PTPRN2: variants seen among roughly 807,000 people sequenced by gnomAD.
The protein encoded by PTPRN2 is protein tyrosine phosphatase receptor type N2, also known as receptor-type tyrosine-protein phosphatase N2.
Under a neutral mutation model 118.8 loss-of-function variants are expected in PTPRN2, and 74 were observed. The observed-to-expected ratio is 0.62, with a 90% CI of 0.52 to 0.76. PTPRN2 has a LOEUF of 0.76. PTPRN2 is among the 30% of genes least tolerant of loss of function. The pLI is 0.00. For missense variants in PTPRN2, 1,481 were observed against 1,394.4 expected, an observed-to-expected ratio of 1.06 and a Z score of -0.99; for synonymous variants, 641 against 608.0, an observed-to-expected ratio of 1.05 and a Z score of -0.80.
chr7:158,071,681 C>CGTG (rs1563392807), intron 11 of PTPRN2, among the ~76,000 whole-genome samples: 3 of 82,276 alleles, frequency 3.6e-5, no homozygotes, highest in Non-Finnish European at 5.0e-5. Context: ...TGGAGGTGCT[C>CGTG]CTGGTGGAGG....
intron 3 of PTPRN2, among the ~76,000 whole-genome samples, chr7:158,220,201 C>A (rs1012245969): frequency 4.6e-5 from 7 of 151,986 alleles, no homozygotes; most frequent in Non-Finnish European, 8.8e-5. Context: ...ATTACAAACC[C>A]AAAGGCAACA....
intron 12 of PTPRN2, among the ~76,000 whole-genome samples, chr7:157,846,743 C>T (rs1000887223): frequency 1.5e-4 from 23 of 150,574 alleles, no homozygotes; most frequent in African/African-American, 4.9e-4. Context: ...CTCTCTCACT[C>T]CATCATGCGT....
chr7:158,577,341 A>G, intron 1 of PTPRN2, among the ~76,000 whole-genome samples: 1 of 124,552 alleles, frequency 8.0e-6, no homozygotes, highest in Admixed American at 8.1e-5. Flanking sequence ...AGGGCTGCCC[A>G]CCCTGCCTGA....
chr7:158,071,706 G>A (rs868093959), intron 11 of PTPRN2, among the ~76,000 whole-genome samples: 40 of 134,006 alleles, frequency 3.0e-4, no homozygotes, highest in African/African-American at 8.9e-4. Context: ...TGTGGTGGAG[G>A]TGCTCCTGGT....
At chr7:157,872,699 T>C (rs1028804218) in intron 12 of PTPRN2, among the ~76,000 whole-genome samples, 1 of 152,254 alleles carries the variant, frequency 6.6e-6, no homozygotes, top group African/African-American at 2.4e-5. Context: ...GCAGGCTCCA[T>C]CTTGCAGGAG....
At chr7:158,521,193 C>T (rs1414616045) in intron 1 of PTPRN2, among the ~76,000 whole-genome samples, 1 of 151,966 alleles carries the variant, frequency 6.6e-6, no homozygotes, top group African/African-American at 2.4e-5. Flanking sequence ...ATTTTTTTCC[C>T]CAGTACTTTC....
chr7:157,843,919 C>T (rs1287666216), intron 12 of PTPRN2, among the ~76,000 whole-genome samples: 1 of 152,220 alleles, frequency 6.6e-6, no homozygotes, highest in African/African-American at 2.4e-5. Context: ...CATTGGGGTC[C>T]TTTCGATGTG....
At chr7:157,642,386 A>G (rs1213565232) in intron 14 of PTPRN2, among the ~76,000 whole-genome samples, 1 of 152,234 alleles carries the variant, frequency 6.6e-6, no homozygotes, top group African/African-American at 2.4e-5. Context: ...ACACATTTAC[A>G]CAAAGAATCA....
chr7:158,298,764 C>T (rs1800669862), intron 3 of PTPRN2, among the ~76,000 whole-genome samples: 1 of 152,190 alleles, frequency 6.6e-6, no homozygotes, highest in African/African-American at 2.4e-5. Flanking sequence ...CCAAGCACCT[C>T]CTGGGGTTGC....
intron 2 of PTPRN2, among the ~76,000 whole-genome samples, chr7:158,471,197 C>G (rs1028280689): frequency 3.9e-5 from 6 of 152,126 alleles, no homozygotes; most frequent in African/African-American, 1.2e-4. Flanking sequence ...AAGGCCAGCA[C>G]GAGAGGCCAG....
At chr7:158,124,131 T>A (rs919245984) in intron 9 of PTPRN2, among the ~76,000 whole-genome samples, 3 of 152,184 alleles carry the variant, frequency 2.0e-5, no homozygotes, top group African/African-American at 7.2e-5. Context: ...GAAAGTTGGG[T>A]GTACACAGCA....
chr7:158,422,376 A>G (rs950892530), intron 2 of PTPRN2, among the ~76,000 whole-genome samples: 4 of 152,230 alleles, frequency 2.6e-5, no homozygotes, highest in African/African-American at 9.6e-5. Context: ...CATCAATGGC[A>G]GCTTCCAACA....
chr7:157,773,755 C>T (rs1024555630), intron 12 of PTPRN2, among the ~76,000 whole-genome samples: 1 of 152,204 alleles, frequency 6.6e-6, no homozygotes, highest in South Asian at 2.1e-4. Flanking sequence ...ACCTCAGCCC[C>T]CAGGTCCTGG....
chr7:157,729,695 C>A lies in PTPRN2; in HGVS notation c.1789-46758G>T, dbSNP rs897970447. Among the ~76,000 whole-genome samples the A allele has an allele frequency of 6.6e-6, 1 of 152,116 alleles. No homozygotes were observed. The highest frequency in any genetic ancestry group is 6.5e-5 in the Admixed American group (1 of 15,272). On this transcript the variant is annotated intron_variant, in intron 12 of 22. Transcript: ENST00000389418. The surrounding 1 kb of genome is among the most constrained non-coding windows in gnomAD (Gnocchi z 4.3). Reference sequence around the variant, plus strand: ...CCTGGGAGGGTCGCTAGGGTGAGGACGCTGAGAGCCCATGTGCTGGAAAGG... The same window carrying A: ...CCTGGGAGGGTCGCTAGGGTGAGGAAGCTGAGAGCCCATGTGCTGGAAAGG...
chr7:158,577,343 C>G (rs1828389756), intron 1 of PTPRN2, among the ~76,000 whole-genome samples: 1 of 139,758 alleles, frequency 7.2e-6, no homozygotes, highest in Non-Finnish European at 1.5e-5. Flanking sequence ...GGCTGCCCAC[C>G]CTGCCTGATG....
chr7:157,945,699 T>A (rs1484706874), intron 11 of PTPRN2, among the ~76,000 whole-genome samples: 1 of 148,294 alleles, frequency 6.7e-6, no homozygotes, highest in Non-Finnish European at 1.5e-5. Context: ...TTGGACGATG[T>A]CACCTCCAAC....
intron 2 of PTPRN2, among the ~76,000 whole-genome samples, chr7:158,371,818 A>G (rs971575987): frequency 4.6e-5 from 7 of 152,248 alleles, no homozygotes; most frequent in African/African-American, 1.7e-4. Context: ...CACATTAAAG[A>G]TCATATTTAT....
intron 3 of PTPRN2, among the ~76,000 whole-genome samples, chr7:158,220,871 C>A (rs1339076289): frequency 6.9e-6 from 1 of 145,346 alleles, no homozygotes; most frequent in African/African-American, 2.5e-5. Context: ...TTATAAAATT[C>A]ATATGGATCC....
intron 6 of PTPRN2, among the ~76,000 whole-genome samples, chr7:158,153,895 TGCTC>T (rs34301668): frequency 0.63 from 95,038 of 149,782 alleles, 31,139 homozygotes; most frequent in East Asian, 0.85. Flanking sequence ...ACCCTGGGTG[TGCTC>T]GCTCGGAAGG....
Sources: allele counts gnomAD v4.1 joint callset (sites outside exome capture counted in the v4.1 genomes callset), GRCh38; gene constraint gnomAD v4.1.1; non-coding constraint Gnocchi (gnomAD v3.1); transcripts MANE v1.5; gene names NCBI Gene and HGNC (gene_info 2026-07-23, HGNC 2026-07-21).